The following ANGPT1 variants were observed in gnomAD, a reference collection of about 807,000 sequenced individuals.
The protein encoded by ANGPT1 is angiopoietin-1.
Under a neutral mutation model 62.2 loss-of-function variants are expected in ANGPT1, and 17 were observed. That is an observed-to-expected ratio of 0.27 (90% CI 0.19 to 0.41). The LOEUF (loss-of-function observed/expected upper bound fraction) is 0.41. ANGPT1 is among the 10% of genes least tolerant of loss of function. The probability of loss-of-function intolerance (pLI) is 1.00; values close to 1 mark genes in which losing one functional copy is unlikely to be tolerated. For missense variants in ANGPT1, 478 were observed against 594.9 expected (o/e 0.80, Z 2.04); for synonymous variants, 199 against 198.9 (o/e 1.00, Z 0.00).
intron 5 of ANGPT1, among the ~76,000 whole-genome samples, chr8:107,297,914 A>T (rs2130198619): frequency 6.6e-6 from 1 of 152,016 alleles, no homozygotes; most frequent in East Asian, 1.9e-4. Flanking sequence ...AATAGATGGT[A>T]GGTTTTAGAA....
intron 1 of ANGPT1, among the ~76,000 whole-genome samples, chr8:107,360,518 C>T (rs1816140203): frequency 6.6e-6 from 1 of 152,178 alleles, no homozygotes; most frequent in Non-Finnish European, 1.5e-5. Flanking sequence ...AGGCCCTTTG[C>T]TGCCCAAGTT....
In ANGPT1 at chr8:107,346,418, C is replaced by T. The variant is rs1428151521; in HGVS notation, c.453+524G>A. Reference sequence around the variant, plus strand: ...TGACAATGGTGATCAAAGGATATCCCTAGTTTTTACTCGTTGGTACTCAAA... The same window carrying T: ...TGACAATGGTGATCAAAGGATATCCTTAGTTTTTACTCGTTGGTACTCAAA... On this transcript the variant is annotated intron_variant, in intron 2 of 8. Transcript: ENST00000517746. Among the ~76,000 whole-genome samples the T allele has an allele frequency of 3.3e-5, 5 of 152,116 alleles. No individual in the cohort carries two copies. In the East Asian group the frequency reaches 9.6e-4, roughly 29 times the overall value.
chr8:107,293,681 G>A (rs976117454), intron 6 of ANGPT1, among the ~76,000 whole-genome samples: 1 of 152,060 alleles, frequency 6.6e-6, no homozygotes, highest in Non-Finnish European at 1.5e-5. Context: ...CATGCAACTA[G>A]GAACAAATAC....
intron 4 of ANGPT1, among the ~76,000 whole-genome samples, chr8:107,310,015 G>A (rs1465954449): frequency 6.6e-6 from 1 of 152,122 alleles, no homozygotes; most frequent in Non-Finnish European, 1.5e-5. Context: ...CATTTATCTA[G>A]TGAATTATTA....
rs147539780 is a variant in ANGPT1, at chr8:107,373,249, T to C, written c.298-26152A>G. ...TAAGTGGTCATTAACTTCAACACTA[T>C]TTTTAGTCAAGTACAAAATAGATTT... On this transcript the variant is annotated intron_variant, in intron 1 of 8. Coordinates refer to ENST00000517746, the MANE Select transcript of ANGPT1 (RefSeq NM_001146.5). Among the ~76,000 whole-genome samples, 5 of 147,156 alleles carry C rather than the reference T, an allele frequency of 3.4e-5. No homozygotes were observed. In the East Asian group the frequency reaches 1.0e-3, roughly 31 times the overall value.
At chr8:107,299,537 A>C (rs1242821102) in intron 5 of ANGPT1, among the ~76,000 whole-genome samples, 1 of 133,018 alleles carries the variant, frequency 7.5e-6, no homozygotes, top group Non-Finnish European at 1.5e-5. Context: ...GCATATATAT[A>C]GATATTTAGA....
intron 1 of ANGPT1, among the ~76,000 whole-genome samples, chr8:107,413,035 C>T (rs1214537074): frequency 6.6e-6 from 1 of 152,100 alleles, no homozygotes; most frequent in African/African-American, 2.4e-5. Flanking sequence ...ATATGTATTA[C>T]AAAACTAGTC....
intron 4 of ANGPT1, among the ~76,000 whole-genome samples, chr8:107,317,204 G>C (rs1019839143): frequency 1.3e-5 from 2 of 152,098 alleles, no homozygotes; most frequent in South Asian, 2.1e-4. Flanking sequence ...TCAAACCCTA[G>C]GTTCCTTAAA....
At chr8:107,323,359 C>G in intron 3 of ANGPT1, among the ~76,000 whole-genome samples, 1 of 152,104 alleles carries the variant, frequency 6.6e-6, no homozygotes, top group East Asian at 1.9e-4. Flanking sequence ...TGCCACATAC[C>G]AGAATGGGCA....
At chr8:107,336,089 G>C (rs1586235022) in intron 3 of ANGPT1, 61 bp downstream of exon 3, 1 of 1,462,776 alleles carries the variant, frequency 6.8e-7, no homozygotes, top group Non-Finnish European at 9.0e-7. Context: ...AGAGTTGGCA[G>C]AGAGGTGAAG....
intron 7 of ANGPT1, among the ~76,000 whole-genome samples, chr8:107,272,497 A>C (rs561675373): frequency 6.6e-6 from 1 of 152,154 alleles, no homozygotes; most frequent in African/African-American, 2.4e-5. Flanking sequence ...GAGCTTATCA[A>C]CCTTCCAGGT....
intron 1 of ANGPT1, among the ~76,000 whole-genome samples, chr8:107,412,866 CATAGTAGGCTT>C (rs1008196098): frequency 6.6e-6 from 1 of 152,096 alleles, no homozygotes; most frequent in Non-Finnish European, 1.5e-5. Flanking sequence ...GTGGATGGCT[CATAGTAGGCTT>C]CCATGAATAT....
chr8:107,336,545 G>C (rs553516457), intron 2 of ANGPT1: 32 of 252,766 alleles, frequency 1.3e-4, no homozygotes, highest in Non-Finnish European at 1.8e-4. Context: ...GGCGCCTGTA[G>C]TCCCAGCTAC....
At chr8:107,413,807 A>G (rs1300369139) in intron 1 of ANGPT1, among the ~76,000 whole-genome samples, 2 of 152,116 alleles carry the variant, frequency 1.3e-5, no homozygotes, top group Non-Finnish European at 2.9e-5. Context: ...GGTGAGCCAC[A>G]TTAGAGCGGG....
intron 1 of ANGPT1, among the ~76,000 whole-genome samples, chr8:107,408,404 G>A (rs545133701): frequency 6.6e-6 from 1 of 152,254 alleles, no homozygotes; most frequent in East Asian, 1.9e-4. Context: ...TGCTTTTGAG[G>A]TTTTGCTTCC....
intron 7 of ANGPT1, among the ~76,000 whole-genome samples, chr8:107,281,129 A>T (rs1317247672): frequency 6.6e-6 from 1 of 152,176 alleles, no homozygotes; most frequent in Non-Finnish European, 1.5e-5. Context: ...AAATATGTGT[A>T]ATACATGCAC....
At chr8:107,301,927 T>A (rs1814599158) in intron 5 of ANGPT1, among the ~76,000 whole-genome samples, 1 of 151,940 alleles carries the variant, frequency 6.6e-6, no homozygotes, top group Non-Finnish European at 1.5e-5. Context: ...GGGTTGCCAA[T>A]TAAGTGGCAT....
intron 1 of ANGPT1, among the ~76,000 whole-genome samples, chr8:107,351,813 C>T (rs1373263962): frequency 1.3e-5 from 2 of 151,996 alleles, no homozygotes; most frequent in Admixed American, 6.6e-5. Context: ...TTTGTCTGCT[C>T]ATTCTATTTT....
In ANGPT1 at chr8:107,476,816, A is replaced by G. The variant is rs148952637; in HGVS notation, c.297+20446T>C. On this transcript the variant is annotated intron_variant, in intron 1 of 8. Transcript: ENST00000517746. ...GCACTCTTGTGATGACCCCAGTTCT[A>G]AAATCCTAGTATTATCTTTGATGAA... is the stretch of plus-strand genomic sequence containing the variant. Among the ~76,000 whole-genome samples, 971 of 152,294 alleles carry G rather than the reference A, an allele frequency of 6.4e-3. 7 individuals carry two copies. The highest frequency in any genetic ancestry group is 0.023 in the African/African-American group (938 of 41,564).
Sources: allele counts gnomAD v4.1 joint callset (sites outside exome capture counted in the v4.1 genomes callset), GRCh38; gene constraint gnomAD v4.1.1; transcripts MANE v1.5; gene names NCBI Gene and HGNC (gene_info 2026-07-23, HGNC 2026-07-21).